The following ZMYM2 variants were observed in gnomAD, a reference collection of about 807,000 sequenced individuals.
The protein encoded by ZMYM2 is zinc finger MYM-type protein 2.
In ZMYM2, 56 loss-of-function variants were observed where a neutral mutation model predicts 162.8. That is an observed-to-expected ratio of 0.34 (90% CI 0.28 to 0.43). The LOEUF is 0.43. Ranked by LOEUF, ZMYM2 falls within the 20% of genes least tolerant of loss-of-function variation. The pLI is 1.00. For synonymous variants in ZMYM2, 510 were observed against 541.6 expected (o/e 0.94, Z 0.81); for missense variants, 1,275 against 1,621.8 (o/e 0.79, Z 3.67).
chr13:20,066,072 A>G (rs1012338179), intron 19 of ZMYM2, among the ~76,000 whole-genome samples: 1 of 152,202 alleles, frequency 6.6e-6, no homozygotes, highest in Non-Finnish European at 1.5e-5. Context: ...TGATTTATGT[A>G]GAAACATCAC....
intron 2 of ZMYM2, among the ~76,000 whole-genome samples, chr13:19,979,529 T>A (rs745944632): frequency 6.6e-6 from 1 of 151,844 alleles, no homozygotes; most frequent in Non-Finnish European, 1.5e-5. Flanking sequence ...GACAAAAATT[T>A]CCTTAAATGT....
At chr13:19,932,271 C>A in the ZMYM2 span, among the ~76,000 whole-genome samples, 1 of 152,122 alleles carries the variant, frequency 6.6e-6, no homozygotes, top group Non-Finnish European at 1.5e-5. Flanking sequence ...TGGTATTTGG[C>A]CATGGGGCTT....
At chr13:20,029,142 T>G (rs1366649805) in intron 9 of ZMYM2, among the ~76,000 whole-genome samples, 1 of 152,232 alleles carries the variant, frequency 6.6e-6, no homozygotes, top group Non-Finnish European at 1.5e-5. Context: ...TTGTTTCTCA[T>G]AGTCCGGAGG....
chr13:19,988,208 T>C (rs1037896425), intron 2 of ZMYM2, among the ~76,000 whole-genome samples: 1 of 152,220 alleles, frequency 6.6e-6, no homozygotes, highest in Non-Finnish European at 1.5e-5. Flanking sequence ...TAAAATACTG[T>C]ATGTTTTTGA....
At chr13:20,027,116 A>G (rs1952656184) in intron 8 of ZMYM2, 87 bp from the exon 9 acceptor site, 1 of 889,240 alleles carries the variant, frequency 1.1e-6, no homozygotes, top group African/African-American at 1.7e-5. Flanking sequence ...ATTTTTTAAC[A>G]GAAACTTCTA....
At chr13:20,028,418 T>C (rs1952774480) in intron 9 of ZMYM2, among the ~76,000 whole-genome samples, 1 of 152,188 alleles carries the variant, frequency 6.6e-6, no homozygotes, top group Non-Finnish European at 1.5e-5. Flanking sequence ...TTTTTTGATA[T>C]TGTTGGATAA....
intron 6 of ZMYM2, among the ~76,000 whole-genome samples, chr13:20,018,076 T>C (rs1951770362): frequency 6.6e-6 from 1 of 152,188 alleles, no homozygotes; most frequent in Non-Finnish European, 1.5e-5. Context: ...CTTCTTGTTA[T>C]TGCTGAGTGG....
intron 6 of ZMYM2, among the ~76,000 whole-genome samples, chr13:20,007,284 C>T (rs376096743): frequency 4.6e-5 from 7 of 151,914 alleles, no homozygotes; most frequent in South Asian, 2.1e-4. Flanking sequence ...TACAGGCATG[C>T]GCCACCACAC....
At chr13:20,039,478 T>G (rs1954033830) in intron 12 of ZMYM2, among the ~76,000 whole-genome samples, 1 of 150,810 alleles carries the variant, frequency 6.6e-6, no homozygotes, top group Admixed American at 6.6e-5. Flanking sequence ...TGAGAGTTTT[T>G]TTTTTTTTTT....
chr13:19,916,597 C>T, the ZMYM2 span, among the ~76,000 whole-genome samples: 1 of 151,144 alleles, frequency 6.6e-6, no homozygotes, highest in African/African-American at 2.4e-5. Context: ...TCATTCTCAG[C>T]AAACTATCAC....
At chr13:19,915,415 T>TTTTCTTTCTTTCTTTCTTTC in the ZMYM2 span, among the ~76,000 whole-genome samples, 59 of 148,392 alleles carry the variant, frequency 4.0e-4, no homozygotes, top group Middle Eastern at 3.6e-3. Flanking sequence ...CTTGCTTGCT[T>TTTTCTTTCTTTCTTTCTTTC]TTTCTTTCTT....
intron 2 of ZMYM2, among the ~76,000 whole-genome samples, chr13:19,987,140 A>T (rs1199510308): frequency 2.0e-5 from 3 of 150,202 alleles, no homozygotes; most frequent in South Asian, 2.1e-4. Flanking sequence ...AAAAAAAAAA[A>T]TTTCAGCAGT....
At chr13:20,015,598 C>G (rs929572040) in intron 6 of ZMYM2, among the ~76,000 whole-genome samples, 1 of 152,146 alleles carries the variant, frequency 6.6e-6, no homozygotes, top group African/African-American at 2.4e-5. Flanking sequence ...GCTTCTACCT[C>G]AGTTATTGTC....
the ZMYM2 span, among the ~76,000 whole-genome samples, chr13:19,887,632 A>C: frequency 6.6e-6 from 1 of 151,780 alleles, no homozygotes. Context: ...CTGGTTACTC[A>C]GTGGTAGAGT....
chr13:19,994,279 G>C (rs1332532513), intron 3 of ZMYM2, among the ~76,000 whole-genome samples: 1 of 152,184 alleles, frequency 6.6e-6, no homozygotes, highest in Non-Finnish European at 1.5e-5. Flanking sequence ...CCAGGAGTTC[G>C]AGACCAGTCT....
chr13:19,873,273 G>A, the ZMYM2 span, among the ~76,000 whole-genome samples: 425 of 152,182 alleles, frequency 2.8e-3, 7 homozygotes, highest in South Asian at 0.037. Context: ...TTTACTTGCC[G>A]TGTCTCTTAG....
At chr13:19,973,301 C>T (rs1477468665) in intron 2 of ZMYM2, among the ~76,000 whole-genome samples, 1 of 152,002 alleles carries the variant, frequency 6.6e-6, no homozygotes, top group Non-Finnish European at 1.5e-5. Flanking sequence ...TGGAGAAATC[C>T]ATTTTATTCT....
the ZMYM2 span, among the ~76,000 whole-genome samples, chr13:19,937,441 C>T: frequency 1.4e-5 from 2 of 146,978 alleles, no homozygotes; most frequent in South Asian, 2.1e-4. Context: ...CCCGGCCTAC[C>T]GGCCTAGTAT....
At chr13:20,074,749 G>A (rs1213399765) in intron 21 of ZMYM2, among the ~76,000 whole-genome samples, 2 of 151,536 alleles carry the variant, frequency 1.3e-5, no homozygotes, top group Non-Finnish European at 2.9e-5. Context: ...CGTGTTAGCC[G>A]GGACGGTCTC....
Sources: gnomAD v4.1 joint callset for allele counts (sites outside exome capture counted in the v4.1 genomes callset) on GRCh38, gnomAD v4.1.1 for gene constraint, MANE v1.5 for transcripts, NCBI Gene and HGNC (gene_info 2026-07-23, HGNC 2026-07-21) for gene names.